The following LDLRAD4 variants were observed in gnomAD, a reference collection of about 807,000 sequenced individuals.
The protein encoded by LDLRAD4 is low-density lipoprotein receptor class A domain-containing protein 4.
LDLRAD4 carries 5 observed loss-of-function variants against 17.0 expected under a neutral mutation model. That is an observed-to-expected ratio of 0.29 (90% CI 0.15 to 0.62). The LOEUF (loss-of-function observed/expected upper bound fraction) is 0.62. LDLRAD4 is among the 20% of genes least tolerant of loss of function. The pLI is 0.84. For missense variants in LDLRAD4, 340 were observed against 424.7 expected (o/e 0.80, Z 1.75); for synonymous variants, 168 against 171.8 (o/e 0.98, Z 0.17).
intron 1 of LDLRAD4, among the ~76,000 whole-genome samples, chr18:13,302,764 C>G (rs937982937): frequency 1.3e-5 from 2 of 152,174 alleles, no homozygotes; most frequent in Non-Finnish European, 2.9e-5. Flanking sequence ...TATGTTTATG[C>G]AGTTATGGTA....
chr18:13,408,365 C>A (rs1301617493), intron 2 of LDLRAD4, among the ~76,000 whole-genome samples: 1 of 124,898 alleles, frequency 8.0e-6, no homozygotes, highest in African/African-American at 3.0e-5. Flanking sequence ...CAGAGTGAGA[C>A]CCTGTCTCAA....
At chr18:13,584,577 T>C (rs1278614374) in intron 3 of LDLRAD4, among the ~76,000 whole-genome samples, 2 of 152,166 alleles carry the variant, frequency 1.3e-5, no homozygotes, top group African/African-American at 2.4e-5. Flanking sequence ...GGAGGAATCA[T>C]AGGATGGCTC....
At chr18:13,643,942 C>T (rs898974082) in intron 5 of LDLRAD4, among the ~76,000 whole-genome samples, 4 of 151,952 alleles carry the variant, frequency 2.6e-5, no homozygotes, top group Admixed American at 6.6e-5. Flanking sequence ...ATAAAAGAGC[C>T]GTCTCCTAGA....
chr18:13,304,897 A>G (rs992460578), intron 1 of LDLRAD4, among the ~76,000 whole-genome samples: 2 of 152,226 alleles, frequency 1.3e-5, no homozygotes, highest in African/African-American at 2.4e-5. Flanking sequence ...CTCAGCCTGC[A>G]TGCGTCAGCC....
chr18:13,481,821 T>C (rs1415616425), intron 3 of LDLRAD4, among the ~76,000 whole-genome samples: 1 of 152,108 alleles, frequency 6.6e-6, no homozygotes, highest in Non-Finnish European at 1.5e-5. Context: ...TGGGAGTGTC[T>C]TGGACAGAAG....
chr18:13,515,867 G>C (rs1236307540), intron 3 of LDLRAD4: 7 of 152,124 alleles, frequency 4.6e-5, no homozygotes, highest in African/African-American at 1.7e-4. Flanking sequence ...GTGCAACCTG[G>C]AGTGCCACAA....
intron 1 of LDLRAD4, among the ~76,000 whole-genome samples, chr18:13,353,878 C>G (rs2083186382): frequency 6.6e-6 from 1 of 152,206 alleles, no homozygotes. Flanking sequence ...TTTTCCAGCT[C>G]TTTTATAAAG....
intron 1 of LDLRAD4, among the ~76,000 whole-genome samples, chr18:13,225,077 C>T (rs187308729): frequency 1.1e-3 from 173 of 152,218 alleles, no homozygotes; most frequent in Admixed American, 3.4e-3. Context: ...CTCAAGTGAT[C>T]CGCCCGCCTC....
intron 3 of LDLRAD4, among the ~76,000 whole-genome samples, chr18:13,503,608 T>TGTGAGATGAAATTAA (rs2093646682): frequency 6.6e-6 from 1 of 152,156 alleles, no homozygotes; most frequent in African/African-American, 2.4e-5. Flanking sequence ...AGCAGCCCCA[T>TGTGAGATGAAATTAA]GTGAGATGAA....
chr18:13,349,827 C>T (rs2082937890), intron 1 of LDLRAD4, among the ~76,000 whole-genome samples: 1 of 151,994 alleles, frequency 6.6e-6, no homozygotes, highest in Non-Finnish European at 1.5e-5. Flanking sequence ...TGATCCTCTC[C>T]CTGTGTCCGT....
intron 1 of LDLRAD4, among the ~76,000 whole-genome samples, chr18:13,370,936 C>G (rs2084456407): frequency 1.3e-5 from 2 of 152,074 alleles, no homozygotes; most frequent in African/African-American, 4.8e-5. Flanking sequence ...ATCTCAAACT[C>G]CTGACCTCAT....
intron 1 of LDLRAD4, among the ~76,000 whole-genome samples, chr18:13,356,237 T>A (rs929507793): frequency 6.6e-6 from 1 of 152,184 alleles, no homozygotes; most frequent in Non-Finnish European, 1.5e-5. Flanking sequence ...ATGACCTCTG[T>A]AGGGAGGAGG....
chr18:13,518,912 C>T (rs767219984), intron 3 of LDLRAD4, among the ~76,000 whole-genome samples: 4 of 152,076 alleles, frequency 2.6e-5, no homozygotes, highest in Non-Finnish European at 4.4e-5. Context: ...GGAAGGGTCT[C>T]GGGGATGAAT....
At chr18:13,373,331 A>G (rs921049442) in intron 1 of LDLRAD4, among the ~76,000 whole-genome samples, 2 of 152,152 alleles carry the variant, frequency 1.3e-5, no homozygotes, top group Admixed American at 6.5e-5. Flanking sequence ...ATGACATTAT[A>G]CACATATGTA....
chr18:13,576,461 T>G (rs2027681), intron 3 of LDLRAD4, among the ~76,000 whole-genome samples: 34,907 of 87,592 alleles, frequency 0.4, 5,174 homozygotes, highest in African/African-American at 0.47. Context: ...AAGAAAGAAA[T>G]AAAGTGGATT....
intron 1 of LDLRAD4, among the ~76,000 whole-genome samples, chr18:13,244,752 C>A (rs1396109382): frequency 6.6e-6 from 1 of 152,182 alleles, no homozygotes; most frequent in Non-Finnish European, 1.5e-5. Flanking sequence ...GCAGGTCTTA[C>A]TTCTGAATGT....
At chr18:13,531,503 T>C (rs1421291582) in intron 3 of LDLRAD4, among the ~76,000 whole-genome samples, 1 of 147,046 alleles carries the variant, frequency 6.8e-6, no homozygotes, top group East Asian at 2.0e-4. Flanking sequence ...GGCAAGAGGA[T>C]CACTTTAGGC....
In LDLRAD4 at chr18:13,300,850, T is replaced by C. The variant is rs2046553077; in HGVS notation, c.-383+22662T>C. On this transcript the variant is annotated intron_variant, in intron 1 of 5. Coordinates refer to ENST00000359446, the Ensembl canonical transcript of LDLRAD4. The surrounding 1 kb of genome is among the most constrained non-coding windows in gnomAD (Gnocchi z 4.2). ...ACCTCTCATGATCAGAGATGGGGTGTGGGAAGGAAGGAAGGGTGGTGAACT... is the reference window on the plus strand; with the variant it reads ...ACCTCTCATGATCAGAGATGGGGTGCGGGAAGGAAGGAAGGGTGGTGAACT... Among the ~76,000 whole-genome samples the C allele has an allele frequency of 6.6e-6, 1 of 151,904 alleles. No individual in the cohort carries two copies. Among genetic ancestry groups the C allele is most frequent in the Non-Finnish European group, 1.5e-5 (1 of 67,964 alleles).
chr18:13,537,385 G>A (rs2094215004), intron 3 of LDLRAD4, among the ~76,000 whole-genome samples: 1 of 152,162 alleles, frequency 6.6e-6, no homozygotes, highest in South Asian at 2.1e-4. Flanking sequence ...CAGGAGGATA[G>A]TTTCAGGATG....
Sources: allele counts gnomAD v4.1 joint callset (sites outside exome capture counted in the v4.1 genomes callset), GRCh38; gene constraint gnomAD v4.1.1; non-coding constraint Gnocchi (gnomAD v3.1); transcripts MANE v1.5; gene names NCBI Gene and HGNC (gene_info 2026-07-23, HGNC 2026-07-21).